Variants in OSBPL10 observed in about 807,000 individuals in gnomAD.
The protein encoded by OSBPL10 is oxysterol binding protein like 10, also known as oxysterol-binding protein-related protein 10.
A neutral mutation model predicts 81.7 loss-of-function variants in OSBPL10; 49 were observed. The ratio of observed to expected loss-of-function variants is 0.60; its 90% CI spans 0.48 to 0.76. OSBPL10 has a LOEUF of 0.76. Ranked by LOEUF, OSBPL10 falls within the 30% of genes least tolerant of loss-of-function variation. OSBPL10 has a pLI of 0.00. For synonymous variants in OSBPL10, 419 were observed against 383.6 expected (o/e 1.09, Z -1.08); for missense variants, 923 against 987.8 (o/e 0.93, Z 0.88).
intron 4 of OSBPL10, among the ~76,000 whole-genome samples, chr3:31,816,053 G>A (rs1002970837): frequency 1.3e-5 from 2 of 152,118 alleles, no homozygotes; most frequent in Non-Finnish European, 2.9e-5. Context: ...GGGCAAGATA[G>A]ACAGATGTTC....
At chr3:31,732,760 G>A (rs941632488) in intron 6 of OSBPL10, 87 of 170,256 alleles carry the variant, frequency 5.1e-4, no homozygotes, top group Non-Finnish European at 3.8e-4. Flanking sequence ...GCATATCCTC[G>A]GCAGCCTGAA....
chr3:31,834,647 T>C (rs1268184636), intron 3 of OSBPL10, among the ~76,000 whole-genome samples: 4 of 152,122 alleles, frequency 2.6e-5, no homozygotes, highest in Non-Finnish European at 5.9e-5. Context: ...AAACTGCCAT[T>C]TGGGAAAGGG....
At chr3:31,833,705 G>GCACACGCGCACA (rs1553631715) in intron 3 of OSBPL10, among the ~76,000 whole-genome samples, 1 of 137,962 alleles carries the variant, frequency 7.2e-6, no homozygotes, top group Non-Finnish European at 1.5e-5. Flanking sequence ...ACACGCACAC[G>GCACACGCGCACA]CACACACACA....
intron 4 of OSBPL10, among the ~76,000 whole-genome samples, chr3:31,826,615 T>C (rs1700105861): frequency 1.3e-5 from 2 of 152,220 alleles, no homozygotes; most frequent in Admixed American, 1.3e-4. Context: ...ATTGCTTCTG[T>C]GGTCATAAGT....
chr3:31,880,000 A>G (rs1489564022), intron 1 of OSBPL10, among the ~76,000 whole-genome samples, 170 bp from the exon 2 acceptor site: 2 of 152,196 alleles, frequency 1.3e-5, no homozygotes, highest in Non-Finnish European at 2.9e-5. Flanking sequence ...GTAGGGAGAG[A>G]GCACTGGATT....
At chr3:32,064,504 A>T (rs183851487) in intron 1 of OSBPL10, 1 of 93,348 alleles carries the variant, frequency 1.1e-5, no homozygotes, top group African/African-American at 2.8e-5. Flanking sequence ...TGAGGACTGC[A>T]GCTAGGGACA....
chr3:31,759,006 T>C (rs532733246), intron 4 of OSBPL10, among the ~76,000 whole-genome samples: 2 of 152,312 alleles, frequency 1.3e-5, no homozygotes, highest in East Asian at 3.9e-4. Flanking sequence ...CATTGTTTAG[T>C]TGACAGAACT....
In OSBPL10 at chr3:31,806,202, C is replaced by T. The variant is rs1028559812; in HGVS notation, c.729+23838G>A. On this transcript the variant is annotated intron_variant, in intron 4 of 11. Coordinates refer to ENST00000396556, the MANE Select transcript of OSBPL10 (RefSeq NM_017784.5). ...CAGGGAAGGAGGACCCGAGAGCCTA[C>T]GCCCTTGTTCCCTCAGCCCTCCCAG... 3.3e-5 allele frequency among the ~76,000 whole-genome samples: 5 copies of T among 152,338 alleles called. No individual in the cohort carries two copies. In the East Asian group the frequency reaches 5.8e-4, roughly 18 times the overall value.
At chr3:32,000,644 G>C (rs909219001) in intron 2 of OSBPL10, among the ~76,000 whole-genome samples, 3 of 152,174 alleles carry the variant, frequency 2.0e-5, no homozygotes, top group African/African-American at 7.2e-5. Context: ...CCTCGTGACG[G>C]TTGTTCCTCC....
At chr3:31,765,088 G>T (rs1698156148) in intron 4 of OSBPL10, among the ~76,000 whole-genome samples, 1 of 152,078 alleles carries the variant, frequency 6.6e-6, no homozygotes, top group Non-Finnish European at 1.5e-5. Context: ...CGAGATCATG[G>T]CTCACTGCAA....
intron 2 of OSBPL10, among the ~76,000 whole-genome samples, chr3:32,043,143 G>C (rs930212944): frequency 6.6e-6 from 1 of 152,118 alleles, no homozygotes; most frequent in Non-Finnish European, 1.5e-5. Flanking sequence ...CACTCCCAGA[G>C]CAGCTGTTTA....
At chr3:31,779,332 G>A (rs1698626475) in intron 4 of OSBPL10, among the ~76,000 whole-genome samples, 1 of 152,130 alleles carries the variant, frequency 6.6e-6, no homozygotes, top group South Asian at 2.1e-4. Flanking sequence ...CTCACCTAAT[G>A]CATAAGGGCT....
At chr3:31,846,802 G>C (rs1274941399) in intron 3 of OSBPL10, among the ~76,000 whole-genome samples, 1 of 152,030 alleles carries the variant, frequency 6.6e-6, no homozygotes, top group African/African-American at 2.4e-5. Context: ...GTGCTCCTGA[G>C]CATGCCCACC....
chr3:31,887,803 T>G (rs1359203291), intron 1 of OSBPL10, among the ~76,000 whole-genome samples: 2 of 151,984 alleles, frequency 1.3e-5, no homozygotes, highest in East Asian at 3.9e-4. Flanking sequence ...CAACCAAACT[T>G]TAAAATCTGG....
At chr3:32,014,081 A>C (rs59290878) in intron 2 of OSBPL10, among the ~76,000 whole-genome samples, 4 of 152,296 alleles carry the variant, frequency 2.6e-5, no homozygotes, top group African/African-American at 7.2e-5. Flanking sequence ...GAGAATCCTC[A>C]CTAACTCATT....
At chr3:32,037,590 T>C (rs1351118655) in intron 2 of OSBPL10, 2 of 242,658 alleles carry the variant, frequency 8.2e-6, no homozygotes, top group South Asian at 5.4e-5. Flanking sequence ...CGACCAAAGA[T>C]GGAAGTTCTC....
At chr3:32,004,793 A>G (rs1294502196) in intron 2 of OSBPL10, among the ~76,000 whole-genome samples, 1 of 152,220 alleles carries the variant, frequency 6.6e-6, no homozygotes, top group African/African-American at 2.4e-5. Flanking sequence ...CTCTAAAACA[A>G]TGCAGGCCAT....
chr3:31,920,511 A>G (rs1696881402), intron 1 of OSBPL10, among the ~76,000 whole-genome samples: 1 of 152,220 alleles, frequency 6.6e-6, no homozygotes, highest in African/African-American at 2.4e-5. Flanking sequence ...TCTAGCTGAT[A>G]AAGTTGCTTC....
intron 3 of OSBPL10, 149 bp from the exon 4 acceptor site, chr3:31,830,380 C>G: frequency 1.3e-6 from 1 of 757,534 alleles, no homozygotes; most frequent in East Asian, 2.8e-5. Context: ...ACACTGCATG[C>G]CCAAATCCCA....
Sources: allele counts gnomAD v4.1 joint callset (sites outside exome capture counted in the v4.1 genomes callset), GRCh38; gene constraint gnomAD v4.1.1; transcripts MANE v1.5; gene names NCBI Gene and HGNC (gene_info 2026-07-23, HGNC 2026-07-21).